RTN4: variants seen among roughly 807,000 people sequenced by gnomAD.
RTN4 encodes reticulon 4.
In RTN4, 32 loss-of-function variants were observed where a neutral mutation model predicts 90.4. The observed-to-expected ratio is 0.35, with a 90% CI of 0.27 to 0.48. The LOEUF is 0.48. Among genes scored for constraint, RTN4 ranks in the 20% least tolerant of loss-of-function variants. The pLI, the probability that RTN4 is intolerant of heterozygous loss-of-function variation, is 0.99. For missense variants in RTN4, 1,706 were observed against 1,430.2 expected (o/e 1.19, Z -3.11); for synonymous variants, 629 against 552.5 (o/e 1.14, Z -1.94).
At position 54,972,512 on chromosome 2, in the gene RTN4, A is replaced by C. The variant is rs1444584170; in HGVS notation, c.*644T>G. ...CTTCTTCTAGCTTATGTGCTTTGGAACTACACATGTATAACCAATGACTGA... is the reference window on the plus strand; with the variant it reads ...CTTCTTCTAGCTTATGTGCTTTGGACCTACACATGTATAACCAATGACTGA... On this transcript the variant is annotated 3_prime_UTR_variant, in exon 9 of 9. Transcript: ENST00000337526. 6.6e-6 allele frequency: 1 copy of C among 152,630 alleles called. No homozygotes were observed. The highest frequency in any genetic ancestry group is 2.4e-5 in the African/African-American group (1 of 41,448). 9.5% of individuals were successfully genotyped at this position (152,630 alleles called of 1,614,324 possible).
chr2:54,972,576 A>G lies in RTN4; in HGVS notation c.*580T>C, dbSNP rs1677150004. ...AGCACTGTGGGGTGGCTGGAAGGTA[A>G]AGGTCTAAGCTTTGTGAAACACTAT... On this transcript the variant is annotated 3_prime_UTR_variant, in exon 9 of 9. Coordinates refer to ENST00000337526, the MANE Select transcript of RTN4 (RefSeq NM_020532.5). The G allele has an allele frequency of 6.6e-6, 1 of 152,656 alleles. No individual in the cohort carries two copies. Among genetic ancestry groups the G allele is most frequent in the African/African-American group, 2.4e-5 (1 of 41,454 alleles). The allele number at this position is 152,656 out of a possible 1,614,324, so 9.5% of individuals were successfully genotyped here.
chr2:55,101,389 T>A (rs1667850753), intron 1 of RTN4, among the ~76,000 whole-genome samples: 1 of 152,152 alleles, frequency 6.6e-6, no homozygotes, highest in African/African-American at 2.4e-5. Flanking sequence ...TTTAGTGAGA[T>A]TTCTCATGGT....
chr2:55,103,407 T>G (rs1455367274), intron 1 of RTN4, among the ~76,000 whole-genome samples: 4 of 152,038 alleles, frequency 2.6e-5, no homozygotes, highest in Admixed American at 2.0e-4. Flanking sequence ...TATAGCATAG[T>G]GCCTATAGCT....
chr2:54,987,598 G>A lies in RTN4; in HGVS notation c.3114C>T (p.Ser1038=), dbSNP rs766388200. The change falls in exon 4 of 9, where the codon AGC becomes AGT. Residue 1038 remains serine (S), a synonymous_variant. Coordinates refer to ENST00000337526, the MANE Select transcript of RTN4 (RefSeq NM_020532.5). ...LLSLTVFSIV[S]VTAYIALALL... ...GGGCCAAGGCAATGTAGGCTGTTACGCTCACAATGCTGAATACTGTCAATG... is the reference window on the plus strand; with the variant it reads ...GGGCCAAGGCAATGTAGGCTGTTACACTCACAATGCTGAATACTGTCAATG... The A allele has an allele frequency of 9.3e-6, 15 of 1,613,996 alleles. No individual in the cohort carries two copies. Among genetic ancestry groups the A allele is most frequent in the African/African-American group, 8.0e-5 (6 of 74,918 alleles).
intron 1 of RTN4, among the ~76,000 whole-genome samples, chr2:55,040,828 T>C (rs1215475094): frequency 6.6e-6 from 1 of 152,046 alleles, no homozygotes; most frequent in African/African-American, 2.4e-5. Flanking sequence ...TTTTTCTTAA[T>C]ATTGAACTTC....
intron 3 of RTN4, among the ~76,000 whole-genome samples, chr2:55,016,428 C>A (rs989552223): frequency 4.6e-5 from 7 of 151,962 alleles, no homozygotes; most frequent in Non-Finnish European, 7.4e-5. Flanking sequence ...ACTAAAAATA[C>A]AAAAATTAGC....
chr2:55,123,268 G>A, the RTN4 span, among the ~76,000 whole-genome samples: 2 of 152,010 alleles, frequency 1.3e-5, no homozygotes, highest in African/African-American at 4.8e-5. Flanking sequence ...AAATGCCAAA[G>A]GAAACATTAA....
At chr2:55,067,287 G>A (rs538038068) in intron 2 of RTN4, among the ~76,000 whole-genome samples, 76 of 152,256 alleles carry the variant, frequency 5.0e-4, no homozygotes, top group Middle Eastern at 3.4e-3. Flanking sequence ...AATTGTTGAT[G>A]CATGTAAAAA....
At chr2:55,104,537 G>A (rs1667908855) in intron 1 of RTN4, among the ~76,000 whole-genome samples, 1 of 151,778 alleles carries the variant, frequency 6.6e-6, no homozygotes, top group Admixed American at 6.6e-5. Flanking sequence ...TCTTAATAGA[G>A]ACAGGATTTC....
intron 1 of RTN4, among the ~76,000 whole-genome samples, chr2:55,087,630 A>G (rs1668867583): frequency 6.6e-6 from 1 of 151,926 alleles, no homozygotes; most frequent in South Asian, 2.1e-4. Flanking sequence ...TTTTTTCATG[A>G]TTATAAATGA....
chr2:55,002,019 A>C (rs1328794543), intron 3 of RTN4, among the ~76,000 whole-genome samples: 1 of 152,098 alleles, frequency 6.6e-6, no homozygotes, highest in East Asian at 1.9e-4. Flanking sequence ...ATTGGTTTTT[A>C]TGTGCCAAGA....
chr2:55,128,115 G>C, the RTN4 span, among the ~76,000 whole-genome samples: 1 of 152,016 alleles, frequency 6.6e-6, no homozygotes. Context: ...CAAAGTGCTG[G>C]GATTATAGGC....
the RTN4 span, among the ~76,000 whole-genome samples, chr2:55,120,477 C>T: frequency 1.0e-3 from 155 of 152,190 alleles, no homozygotes; most frequent in Non-Finnish European, 1.1e-3. Context: ...GGCCCCCAAA[C>T]CTCTCACTGT....
At chr2:55,021,531 C>T (rs1388906364) in intron 3 of RTN4, among the ~76,000 whole-genome samples, 2 of 151,298 alleles carry the variant, frequency 1.3e-5, no homozygotes. Context: ...CTATATTGCC[C>T]AGGCAGGTCT....
the RTN4 span, among the ~76,000 whole-genome samples, chr2:55,135,510 A>G: frequency 6.6e-6 from 1 of 152,142 alleles, no homozygotes; most frequent in Non-Finnish European, 1.5e-5. Flanking sequence ...CCCAGCCTCA[A>G]TTATACGTTT....
At chr2:55,102,567 T>C (rs1573518432) in intron 1 of RTN4, among the ~76,000 whole-genome samples, 1 of 152,092 alleles carries the variant, frequency 6.6e-6, no homozygotes, top group Admixed American at 6.6e-5. Context: ...AATTCGTCCT[T>C]AGTTGGCAGA....
At position 55,088,254 on chromosome 2, in the gene RTN4, G is replaced by C. The variant is rs114371032; in HGVS notation, c.-213-7615C>G. Among the ~76,000 whole-genome samples, 785 of 152,348 alleles carry C rather than the reference G, an allele frequency of 5.2e-3. 3 individuals are homozygous for C. The highest frequency in any genetic ancestry group is 7.3e-3 in the Non-Finnish European group (495 of 68,030). On this transcript the variant is annotated intron_variant, in intron 1 of 3. Coordinates refer to the RTN4 transcript ENST00000427710. ...AGAGGAAACTCAGTGAGTATTCATGGACGTAGGGAAGGAAGGAAAAGTGGG... is the reference window on the plus strand; with the variant it reads ...AGAGGAAACTCAGTGAGTATTCATGCACGTAGGGAAGGAAGGAAAAGTGGG...
Position 55,025,134 on chromosome 2 carries a change from C to G in RTN4, c.2965G>C (p.Asp989His). The change falls in exon 3 of 9, where the codon GAC (aspartate) becomes CAC (histidine). Residue 989 changes from aspartate to histidine, a missense_variant. Coordinates refer to ENST00000337526, the MANE Select transcript of RTN4 (RefSeq NM_020532.5). ...KKLPSDTEKE[D>H]RSPSAIFSAE... ...GAAAATATAGCAGATGGTGATCTGT[C>G]CTCTTTTTCTGTATCGGAAGGAAGT... 6.2e-7 allele frequency: 1 copy of G among 1,613,284 alleles called. No homozygotes were observed. Among genetic ancestry groups the G allele is most frequent in the Non-Finnish European group, 8.5e-7 (1 of 1,179,626 alleles).
At chr2:55,020,327 G>T (rs12475904) in intron 3 of RTN4, among the ~76,000 whole-genome samples, 41,066 of 151,676 alleles carry the variant, frequency 0.27, 5,938 homozygotes, top group Non-Finnish European at 0.33. Flanking sequence ...AACCAAAACA[G>T]CATGGTACTG....
Sources: allele counts gnomAD v4.1 joint callset (sites outside exome capture counted in the v4.1 genomes callset), GRCh38; gene constraint gnomAD v4.1.1; transcripts MANE v1.5; gene names NCBI Gene and HGNC (gene_info 2026-07-23, HGNC 2026-07-21).